GPC5: variants seen among roughly 807,000 people sequenced by gnomAD.
GPC5 encodes the protein glypican-5.
In GPC5, 47 loss-of-function variants were observed where a neutral mutation model predicts 53.9. The ratio of observed to expected loss-of-function variants is 0.87; its 90% confidence interval spans 0.69 to 1.11. The LOEUF (loss-of-function observed/expected upper bound fraction) is 1.11. GPC5 is among the 50% of genes most tolerant of loss of function. The pLI is 0.00. For synonymous variants in GPC5, 286 were observed against 263.3 expected, an observed-to-expected ratio of 1.09 and a Z score of -0.84; for missense variants, 748 against 713.1, an observed-to-expected ratio of 1.05 and a Z score of -0.56.
At chr13:92,239,176 A>G (rs531511831) in intron 7 of GPC5, among the ~76,000 whole-genome samples, 173 of 147,844 alleles carry the variant, frequency 1.2e-3, no homozygotes, top group African/African-American at 4.0e-3. Flanking sequence ...TCAAGATTCT[A>G]CTGGCTTATT....
chr13:91,956,098 C>T (rs1319384043), intron 6 of GPC5, among the ~76,000 whole-genome samples: 2 of 152,274 alleles, frequency 1.3e-5, no homozygotes, highest in Non-Finnish European at 1.5e-5. Context: ...TCCCCAGTGC[C>T]TACCACAGCC....
At chr13:92,494,809 C>A (rs1183786832) in intron 7 of GPC5, among the ~76,000 whole-genome samples, 1 of 152,164 alleles carries the variant, frequency 6.6e-6, no homozygotes, top group Non-Finnish European at 1.5e-5. Context: ...CCCTGGTATT[C>A]AGGATTTAAT....
chr13:91,447,164 T>C (rs1039323377), intron 1 of GPC5, among the ~76,000 whole-genome samples: 5 of 152,248 alleles, frequency 3.3e-5, no homozygotes, highest in African/African-American at 1.2e-4. Flanking sequence ...TTTGCTATGA[T>C]CTGCTGTTAT....
chr13:91,543,954 A>G (rs1435794970), intron 2 of GPC5, among the ~76,000 whole-genome samples: 1 of 152,184 alleles, frequency 6.6e-6, no homozygotes, highest in Non-Finnish European at 1.5e-5. Flanking sequence ...ATGAGAGTTC[A>G]TAATTTTTAT....
chr13:92,799,725 C>T (rs1002943467), intron 7 of GPC5, among the ~76,000 whole-genome samples: 27 of 151,766 alleles, frequency 1.8e-4, no homozygotes, highest in Non-Finnish European at 3.8e-4. Flanking sequence ...ACCATGTCGT[C>T]AACCCTATCA....
chr13:92,685,152 G>A (rs1342644509), intron 7 of GPC5, among the ~76,000 whole-genome samples: 2 of 151,948 alleles, frequency 1.3e-5, no homozygotes, highest in Non-Finnish European at 2.9e-5. Context: ...GTGCAGTGGT[G>A]CAATCTCAGC....
At chr13:91,925,325 C>T (rs1029494155) in intron 6 of GPC5, among the ~76,000 whole-genome samples, 1 of 152,108 alleles carries the variant, frequency 6.6e-6, no homozygotes, top group Non-Finnish European at 1.5e-5. Context: ...GAAAGTAAAT[C>T]TTCCTAATTA....
At chr13:91,517,239 C>T (rs1885553837) in intron 2 of GPC5, among the ~76,000 whole-genome samples, 1 of 152,214 alleles carries the variant, frequency 6.6e-6, no homozygotes, top group African/African-American at 2.4e-5. Context: ...CTTTTATGCT[C>T]TGCTTTCCTG....
rs533200454 is a variant in GPC5, at chr13:92,410,766, C to T, written c.1561+265777C>T. Among the ~76,000 whole-genome samples, 6 of 152,310 alleles carry T rather than the reference C, an allele frequency of 3.9e-5. 1 individual carries two copies. The highest frequency in any genetic ancestry group is 1.4e-4 in the African/African-American group (6 of 41,564). On this transcript the variant is annotated intron_variant, in intron 7 of 7. Coordinates refer to ENST00000377067, the MANE Select transcript of GPC5 (RefSeq NM_004466.6). ...GTTCTCCTCAAGCATGCAACTCTAA[C>T]AGTAGATTTGCAACTTTTAAAGTAT...
chr13:92,592,249 G>A (rs1257896805), intron 7 of GPC5, among the ~76,000 whole-genome samples: 1 of 152,184 alleles, frequency 6.6e-6, no homozygotes, highest in Non-Finnish European at 1.5e-5. Flanking sequence ...CTAGAATAGA[G>A]CCCATAAGTA....
chr13:92,673,992 T>C (rs992688332), intron 7 of GPC5, among the ~76,000 whole-genome samples: 1 of 152,238 alleles, frequency 6.6e-6, no homozygotes, highest in African/African-American at 2.4e-5. Flanking sequence ...ATATTTTTTC[T>C]GCTCACTTCC....
At chr13:92,302,608 T>A (rs2043083195) in intron 7 of GPC5, among the ~76,000 whole-genome samples, 1 of 152,242 alleles carries the variant, frequency 6.6e-6, no homozygotes. Flanking sequence ...AAGCTTATCA[T>A]GATATAATAA....
chr13:92,210,598 T>A (rs943655694), intron 7 of GPC5, among the ~76,000 whole-genome samples: 2 of 150,810 alleles, frequency 1.3e-5, no homozygotes, highest in African/African-American at 4.8e-5. Context: ...GGTCCATAAT[T>A]TTTTTTTGAA....
At chr13:92,071,409 C>T (rs2041210160) in intron 6 of GPC5, among the ~76,000 whole-genome samples, 2 of 151,976 alleles carry the variant, frequency 1.3e-5, no homozygotes, top group African/African-American at 2.4e-5. Context: ...TATTTTCTTC[C>T]AAAATTTTTT....
intron 7 of GPC5, among the ~76,000 whole-genome samples, chr13:92,163,743 A>C (rs1213932990): frequency 2.0e-5 from 3 of 152,126 alleles, no homozygotes; most frequent in Non-Finnish European, 1.5e-5. Flanking sequence ...TCCTATTTCA[A>C]AGATGAAGTT....
At chr13:91,836,822 TA>T (rs147914768) in intron 5 of GPC5, among the ~76,000 whole-genome samples, 4,163 of 151,602 alleles carry the variant, frequency 0.027, 201 homozygotes, top group African/African-American at 0.094. Context: ...TAAATGTTTT[TA>T]AAAATATATT....
chr13:91,814,798 C>T (rs181510055), intron 5 of GPC5, among the ~76,000 whole-genome samples: 19 of 152,238 alleles, frequency 1.2e-4, no homozygotes, highest in African/African-American at 4.6e-4. Context: ...ACCTCAGCCT[C>T]CCAAAGTACT....
At chr13:92,846,602 C>G (rs908124392) in intron 7 of GPC5, among the ~76,000 whole-genome samples, 1 of 152,148 alleles carries the variant, frequency 6.6e-6, no homozygotes. Flanking sequence ...ATTGTCGCAG[C>G]TTTAGTATTC....
chr13:92,244,244 G>A (rs1307866423), intron 7 of GPC5, among the ~76,000 whole-genome samples: 3 of 151,626 alleles, frequency 2.0e-5, no homozygotes, highest in Non-Finnish European at 4.4e-5. Flanking sequence ...ATCCTGGTAT[G>A]CACATTTTAT....
Sources: allele counts gnomAD v4.1 joint callset (sites outside exome capture counted in the v4.1 genomes callset), GRCh38; gene constraint gnomAD v4.1.1; transcripts MANE v1.5; gene names NCBI Gene and HGNC (gene_info 2026-07-23, HGNC 2026-07-21).